DPYD: variants seen among roughly 807,000 people sequenced by gnomAD.
DPYD encodes the protein dihydropyrimidine dehydrogenase [NADP(+)].
Under a neutral mutation model 116.2 loss-of-function variants are expected in DPYD, and 109 were observed. That is an observed-to-expected ratio of 0.94 (90% CI 0.80 to 1.10). The LOEUF (loss-of-function observed/expected upper bound fraction) is 1.10. DPYD is among the 50% of genes least tolerant of loss of function. The pLI, the probability that DPYD is intolerant of heterozygous loss-of-function variation, is 0.00. For missense variants in DPYD, 1,302 were observed against 1,254.5 expected (o/e 1.04, Z -0.57); for synonymous variants, 440 against 432.0 (o/e 1.02, Z -0.23).
chr1:97,853,786 C>T (rs1670680059), intron 2 of DPYD, among the ~76,000 whole-genome samples: 1 of 152,158 alleles, frequency 6.6e-6, no homozygotes. Context: ...GCGTAGTTAA[C>T]ATAAATAGTG....
At chr1:97,144,045 A>C (rs897612689) in intron 20 of DPYD, among the ~76,000 whole-genome samples, 1 of 152,120 alleles carries the variant, frequency 6.6e-6, no homozygotes, top group African/African-American at 2.4e-5. Flanking sequence ...CCATGAAACA[A>C]ATATCAAATA....
chr1:97,652,382 GA>G (rs1376446060), intron 8 of DPYD, among the ~76,000 whole-genome samples: 1 of 152,040 alleles, frequency 6.6e-6, no homozygotes, highest in Non-Finnish European at 1.5e-5. Context: ...GAATAAAAAG[GA>G]AATAGTTTAT....
intron 18 of DPYD, among the ~76,000 whole-genome samples, chr1:97,253,093 C>T (rs561202891): frequency 5.9e-5 from 9 of 152,196 alleles, no homozygotes; most frequent in Non-Finnish European, 7.4e-5. Context: ...TGCCAAAAAA[C>T]GGGCTATCAC....
At chr1:97,455,947 A>G (rs957521521) in intron 13 of DPYD, among the ~76,000 whole-genome samples, 2 of 152,008 alleles carry the variant, frequency 1.3e-5, no homozygotes, top group African/African-American at 4.8e-5. Flanking sequence ...AGACCTATCT[A>G]CATGGAAAAC....
chr1:97,441,628 G>C (rs1290762004), intron 14 of DPYD, among the ~76,000 whole-genome samples: 1 of 152,010 alleles, frequency 6.6e-6, no homozygotes, highest in African/African-American at 2.4e-5. Flanking sequence ...TATTGTACTT[G>C]TCTGCTAATG....
intron 8 of DPYD, among the ~76,000 whole-genome samples, chr1:97,673,511 C>T (rs547858161): frequency 3.9e-5 from 6 of 151,940 alleles, no homozygotes; most frequent in South Asian, 4.2e-4. Flanking sequence ...ACTAAAAATA[C>T]GTATAAAGTT....
chr1:97,616,928 C>T (rs746915834), intron 8 of DPYD, among the ~76,000 whole-genome samples: 9 of 151,978 alleles, frequency 5.9e-5, no homozygotes, highest in Non-Finnish European at 1.2e-4. Context: ...CCTCTGTTGC[C>T]GGGCTGGAGT....
intron 14 of DPYD, among the ~76,000 whole-genome samples, chr1:97,411,380 T>C (rs1048192440): frequency 1.3e-5 from 2 of 152,210 alleles, no homozygotes; most frequent in South Asian, 2.1e-4. Flanking sequence ...TTTATCATAT[T>C]CCATCCTCAC....
At chr1:97,873,668 A>G (rs1671768920) in intron 2 of DPYD, among the ~76,000 whole-genome samples, 1 of 151,992 alleles carries the variant, frequency 6.6e-6, no homozygotes, top group Non-Finnish European at 1.5e-5. Context: ...AAAGAGGATT[A>G]TAATCATAAT....
chr1:97,435,543 A>G (rs1675423425), intron 14 of DPYD, among the ~76,000 whole-genome samples: 1 of 151,930 alleles, frequency 6.6e-6, no homozygotes, highest in African/African-American at 2.4e-5. Flanking sequence ...ATTGATTTAC[A>G]ATTAATTGGA....
chr1:97,322,514 G>A (rs1668357326), intron 16 of DPYD, among the ~76,000 whole-genome samples: 1 of 151,954 alleles, frequency 6.6e-6, no homozygotes, highest in African/African-American at 2.4e-5. Context: ...CTTTAAACAT[G>A]ACCTTTTGTA....
intron 4 of DPYD, among the ~76,000 whole-genome samples, chr1:97,724,303 GGGGGGTGTGTGTGTGTGT>G (rs1663101784): frequency 6.9e-5 from 1 of 14,450 alleles, no homozygotes; most frequent in African/African-American, 2.8e-4. Context: ...TGGGGGGGGG[GGGGGGTGTGTGTGTGTGT>G]GTGTGTGTGT....
chr1:97,151,690 A>T (rs576833541), intron 20 of DPYD, among the ~76,000 whole-genome samples: 1 of 152,152 alleles, frequency 6.6e-6, no homozygotes, highest in Non-Finnish European at 1.5e-5. Context: ...ATAAAAAAAT[A>T]AAAAAATAAA....
chr1:97,850,644 G>T (rs1022063420), intron 2 of DPYD, among the ~76,000 whole-genome samples: 4 of 152,040 alleles, frequency 2.6e-5, no homozygotes, highest in Non-Finnish European at 4.4e-5. Context: ...TATAAAGGGT[G>T]CTGTGCAATC....
chr1:97,082,231 A>G (rs1230743166), intron 22 of DPYD, 99 bp downstream of exon 22: 1 of 1,454,772 alleles, frequency 6.9e-7, no homozygotes, highest in Non-Finnish European at 9.6e-7. Flanking sequence ...ATTTGGCACC[A>G]CTGGTTTAAA....
intron 13 of DPYD, among the ~76,000 whole-genome samples, chr1:97,503,641 GTCC>G (rs1179460586): frequency 6.6e-6 from 1 of 151,734 alleles, no homozygotes; most frequent in Non-Finnish European, 1.5e-5. Flanking sequence ...GGCTCTCCCA[GTCC>G]TCCTCAACAC....
chr1:97,714,592 G>T (rs1662497719), intron 5 of DPYD, among the ~76,000 whole-genome samples: 1 of 136,274 alleles, frequency 7.3e-6, no homozygotes, highest in Non-Finnish European at 1.5e-5. Context: ...CCAACATTTT[G>T]TTATCTGAAG....
chr1:97,402,697 T>C (rs1673440300), intron 14 of DPYD, among the ~76,000 whole-genome samples: 1 of 152,132 alleles, frequency 6.6e-6, no homozygotes, highest in Non-Finnish European at 1.5e-5. Context: ...TTGATCTTAG[T>C]GTGAAAACTT....
intron 1 of DPYD, among the ~76,000 whole-genome samples, chr1:97,897,658 G>A (rs1275706375): frequency 6.6e-6 from 1 of 151,724 alleles, no homozygotes; most frequent in African/African-American, 2.4e-5. Flanking sequence ...ATATTATCCA[G>A]TGTGTTTTTC....
Sources: allele counts gnomAD v4.1 joint callset (sites outside exome capture counted in the v4.1 genomes callset), GRCh38; gene constraint gnomAD v4.1.1; transcripts MANE v1.5; gene names NCBI Gene and HGNC (gene_info 2026-07-23, HGNC 2026-07-21).